ODAD1: variants seen among roughly 807,000 people sequenced by gnomAD.
ODAD1 encodes outer dynein arm docking complex subunit 1.
Under a neutral mutation model 67.2 loss-of-function variants are expected in ODAD1, and 49 were observed. That is an observed-to-expected ratio of 0.73 (90% CI 0.58 to 0.92). The LOEUF is 0.92. ODAD1 is among the 40% of genes least tolerant of loss of function. ODAD1 has a pLI of 0.00. For missense variants in ODAD1, 897 were observed against 953.7 expected, an observed-to-expected ratio of 0.94 and a Z score of 0.78; for synonymous variants, 345 against 393.7, an observed-to-expected ratio of 0.88 and a Z score of 1.46.
chr19:48,297,751 C>T, intron 14 of ODAD1, 83 bp from the exon 15 acceptor site: 1 of 1,212,754 alleles, frequency 8.2e-7, no homozygotes, highest in Non-Finnish European at 1.1e-6. Flanking sequence ...ACCCCGGGAG[C>T]CTCAGCCATT....
chr19:48,311,892 T>C (rs1025903019), intron 6 of ODAD1, 102 bp downstream of exon 6: 9 of 1,125,474 alleles, frequency 8.0e-6, no homozygotes, highest in South Asian at 4.5e-5. Context: ...TCCTGACACA[T>C]ATGTGCACAC....
At chr19:48,297,954 C>A in intron 14 of ODAD1, 46 bp downstream of exon 14, 1 of 1,467,170 alleles carries the variant, frequency 6.8e-7, no homozygotes, top group Non-Finnish European at 9.4e-7. Context: ...CCTCTGCCCC[C>A]ATGGAAGCCC....
chr19:48,320,065 G>A (rs1387160532), intron 3 of ODAD1: 3 of 1,061,978 alleles, frequency 2.8e-6, no homozygotes, highest in African/African-American at 3.4e-5. Context: ...ATTCCTACAG[G>A]GAGTTCTGGG....
intron 7 of ODAD1, among the ~76,000 whole-genome samples, chr19:48,310,542 C>T (rs770601173): frequency 7.9e-5 from 12 of 152,120 alleles, no homozygotes; most frequent in South Asian, 4.1e-4. Flanking sequence ...AAGGAAATGG[C>T]GTTGTTCTTA....
chr19:48,311,184 C>G (rs1049162337), intron 7 of ODAD1, among the ~76,000 whole-genome samples: 6 of 152,084 alleles, frequency 3.9e-5, no homozygotes, highest in African/African-American at 1.4e-4. Flanking sequence ...TGTGCTCCAG[C>G]CTGGACGACA....
intron 7 of ODAD1, among the ~76,000 whole-genome samples, chr19:48,307,999 G>A (rs1464624827): frequency 6.6e-6 from 1 of 152,056 alleles, no homozygotes; most frequent in Non-Finnish European, 1.5e-5. Context: ...AAAAGTGATG[G>A]GGTATGTCCA....
rs377507314 is a variant in ODAD1, at chr19:48,311,567, G to A, written c.583C>T (p.Arg195Cys). The change falls in exon 7 of 16, where the codon CGC (arginine) becomes TGC (cysteine). Residue 195 changes from arginine to cysteine, a missense_variant. Arg to Cys is a radical substitution (Grantham distance 180). Coordinates refer to ENST00000674294, the MANE Select transcript of ODAD1 (RefSeq NM_001364171.2). ...IDRNRYLNVD[R>C]KLKKEIHHLH... ...GGGCCACTGACCTTCTTCAGCTTGC[G>A]GTCCACGTTCAGATAGCGGTTCCTG... The A allele has an allele frequency of 1.6e-5, 25 of 1,548,058 alleles. No homozygotes were observed. The highest frequency in any genetic ancestry group is 1.2e-4 in the African/African-American group (9 of 73,014).
At chr19:48,320,473 T>A (rs1969004561) in intron 2 of ODAD1, 82 bp from the exon 3 acceptor site, 1 of 747,160 alleles carries the variant, frequency 1.3e-6, no homozygotes, top group Non-Finnish European at 1.9e-6. Flanking sequence ...TGCGAGGGAC[T>A]GGGAATTGAA....
intron 3 of ODAD1, 45 bp from the exon 4 acceptor site, chr19:48,318,857 C>A (rs1234399529): frequency 9.1e-6 from 11 of 1,211,924 alleles, no homozygotes; most frequent in Non-Finnish European, 1.2e-5. Flanking sequence ...ATCCTGGCCA[C>A]CAGCTCCTCC....
chr19:48,317,190 T>C (rs249376), intron 5 of ODAD1, among the ~76,000 whole-genome samples: 56,836 of 151,560 alleles, frequency 0.38, 11,207 homozygotes, highest in African/African-American at 0.47. Flanking sequence ...TTTAGCAGAA[T>C]GAATCCCACA....
In ODAD1 at chr19:48,320,394, G is replaced by A; in HGVS notation, c.-23-3C>T. On this transcript the variant is annotated splice_region_variant and splice_polypyrimidine_tract_variant and intron_variant, in intron 2 of 15. Transcript: ENST00000674294. ...CCTGGCCAAACAGGGTGGGGCTCCT[G>A]TAGGGATGGACATATAAGACCCTTC... 7.8e-7 allele frequency: 1 copy of A among 1,284,084 alleles called. No individual in the cohort carries two copies. Among genetic ancestry groups the A allele is most frequent in the African/African-American group, 1.5e-5 (1 of 65,838 alleles). 79.5% of individuals were successfully genotyped at this position (1,284,084 alleles called of 1,614,324 possible).
rs111550000 is a variant in ODAD1, at chr19:48,303,487, G to A, written c.988+163C>T. ...TGGGGAGGGGCAGAGACAGGGCCACGGTAAGACGCCAGTGGACGCGGGCGG... is the reference window on the plus strand; with the variant it reads ...TGGGGAGGGGCAGAGACAGGGCCACAGTAAGACGCCAGTGGACGCGGGCGG... On this transcript the variant is annotated intron_variant, in intron 10 of 15. Coordinates refer to ENST00000674294, the MANE Select transcript of ODAD1 (RefSeq NM_001364171.2). The A allele has an allele frequency of 6.1e-5, 48 of 791,448 alleles. 1 individual carries two copies. The highest frequency in any genetic ancestry group is 2.7e-4 in the Admixed American group (10 of 36,912). 49.0% of individuals were successfully genotyped at this position (791,448 alleles called of 1,614,324 possible). A position where few individuals can be genotyped will look rare whatever the true frequency, so the allele number is the denominator to read the frequency against.
chr19:48,308,690 C>T (rs1200573754), intron 7 of ODAD1, among the ~76,000 whole-genome samples: 2 of 152,072 alleles, frequency 1.3e-5, no homozygotes, highest in South Asian at 2.1e-4. Context: ...GGGAGCTCCC[C>T]GTGTGCAGCT....
intron 5 of ODAD1, among the ~76,000 whole-genome samples, chr19:48,317,677 C>A (rs249377): frequency 0.36 from 54,637 of 150,978 alleles, 10,323 homozygotes; most frequent in African/African-American, 0.44. Context: ...TTTCAATAGC[C>A]CCGATTTTTT....
At chr19:48,320,030 CCCTT>C (rs781188581) in intron 3 of ODAD1, 1 of 1,051,866 alleles carries the variant, frequency 9.5e-7, no homozygotes, top group Non-Finnish European at 1.2e-6. Flanking sequence ...TGTAGAAACA[CCCTT>C]CCTTCCTTCT....
intron 7 of ODAD1, among the ~76,000 whole-genome samples, chr19:48,307,645 C>G (rs1392736424): frequency 6.6e-6 from 1 of 151,926 alleles, no homozygotes; most frequent in East Asian, 1.9e-4. Context: ...AAAACCCCGT[C>G]TCTACTAAAA....
intron 5 of ODAD1, among the ~76,000 whole-genome samples, chr19:48,313,602 G>T (rs1968827788): frequency 6.6e-6 from 1 of 152,086 alleles, no homozygotes; most frequent in Non-Finnish European, 1.5e-5. Context: ...ATGGGAAATT[G>T]CTGGGTGTGG....
chr19:48,304,102 C>A lies in ODAD1; in HGVS notation c.704G>T (p.Arg235Leu), dbSNP rs372835806. ...GCTCTGGGCCTCCTCTTTCTCCGCG[C>A]GCTCCCGCAGCAAGCCCATCTTGGC... Reference protein sequence around the residue: ...AKAKMGLLRERAEKEEAQSEM... With the variant: ...AKAKMGLLRELAEKEEAQSEM... The change falls in exon 9 of 16, where the codon CGC becomes CTC. Residue 235 changes from arginine to leucine, a missense_variant. Arg to Leu is a moderately radical substitution (Grantham distance 102). Coordinates refer to ENST00000674294, the MANE Select transcript of ODAD1 (RefSeq NM_001364171.2). 1 of 1,613,406 alleles carries A rather than the reference C, an allele frequency of 6.2e-7. No homozygotes were observed. Among genetic ancestry groups the A allele is most frequent in the Non-Finnish European group, 8.5e-7 (1 of 1,179,710 alleles).
At chr19:48,309,905 C>T (rs1038284887) in intron 7 of ODAD1, among the ~76,000 whole-genome samples, 1 of 152,170 alleles carries the variant, frequency 6.6e-6, no homozygotes, top group Admixed American at 6.6e-5. Flanking sequence ...GACATTCCCC[C>T]CAAAGTGCAG....
Sources: allele counts gnomAD v4.1 joint callset (sites outside exome capture counted in the v4.1 genomes callset), GRCh38; gene constraint gnomAD v4.1.1; transcripts MANE v1.5; gene names NCBI Gene and HGNC (gene_info 2026-07-23, HGNC 2026-07-21).